Variants in PIK3C2A observed in about 807,000 individuals in gnomAD.
The protein encoded by PIK3C2A is phosphatidylinositol 4-phosphate 3-kinase C2 domain-containing subunit alpha.
PIK3C2A carries 97 observed loss-of-function variants against 204.5 expected under a neutral mutation model. The ratio of observed to expected loss-of-function variants is 0.47; its 90% CI spans 0.40 to 0.56. The LOEUF (loss-of-function observed/expected upper bound fraction) is 0.56. Among genes scored for constraint, PIK3C2A ranks in the 20% least tolerant of loss-of-function variants. The probability of loss-of-function intolerance (pLI) is 0.00; values close to 1 mark genes in which losing one functional copy is unlikely to be tolerated. For synonymous variants in PIK3C2A, 653 were observed against 664.4 expected, an observed-to-expected ratio of 0.98 and a Z score of 0.26; for missense variants, 1,735 against 1,969.2, an observed-to-expected ratio of 0.88 and a Z score of 2.25.
rs1848615049 is a variant in PIK3C2A, at chr11:17,101,287, G to A, written c.3999C>T (p.Leu1333=). ...IRKQTNLFLN[L]LSLMIPSGLP... ...TATAAAGAATAGTTACCAGTGAAAG[G>A]AGGTTAAGAAAAAGGTTTGTCTGCT... is the stretch of plus-strand genomic sequence containing the variant. The change falls in exon 25 of 33, where the codon CTC becomes CTT. Residue 1333 remains leucine (L), a synonymous_variant. Transcript: ENST00000691414. 1 of 1,538,454 alleles carries A rather than the reference G, an allele frequency of 6.5e-7. No homozygotes were observed. The highest frequency in any genetic ancestry group is 8.9e-7 in the Non-Finnish European group (1 of 1,127,080).
intron 30 of PIK3C2A, 56 bp from the exon 31 acceptor site, chr11:17,091,712 A>G (rs1002113120): frequency 1.7e-6 from 2 of 1,190,634 alleles, no homozygotes; most frequent in South Asian, 1.3e-5. Flanking sequence ...TCAAGCTGCA[A>G]TAAAAGGATT....
At chr11:17,100,249 CGGG>C (rs71047528) in intron 25 of PIK3C2A, among the ~76,000 whole-genome samples, 4 of 46,484 alleles carry the variant, frequency 8.6e-5, no homozygotes, top group East Asian at 9.9e-4. Context: ...TTTTTGGGGG[CGGG>C]GGGGGGGGGC....
chr11:17,141,650 C>A (rs1403341150), intron 8 of PIK3C2A, among the ~76,000 whole-genome samples: 1 of 152,200 alleles, frequency 6.6e-6, no homozygotes, highest in African/African-American at 2.4e-5. Context: ...AACTTTTCCA[C>A]TAATGAGCTT....
chr11:17,162,594 CCAA>C (rs1056500414), intron 2 of PIK3C2A, among the ~76,000 whole-genome samples: 3 of 152,128 alleles, frequency 2.0e-5, no homozygotes, highest in Non-Finnish European at 2.9e-5. Flanking sequence ...TCAAGGGTGG[CCAA>C]CTGTTCAAAA....
chr11:17,207,351 A>T (rs551264966), intron 1 of PIK3C2A, among the ~76,000 whole-genome samples: 2 of 152,302 alleles, frequency 1.3e-5, no homozygotes, highest in South Asian at 4.1e-4. Context: ...AAGAAGAAAA[A>T]GTATCCTTGG....
intron 11 of PIK3C2A, 34 bp downstream of exon 11, chr11:17,134,785 G>A (rs1406041325): frequency 3.3e-6 from 5 of 1,504,706 alleles, no homozygotes; most frequent in African/African-American, 2.7e-5. Flanking sequence ...ACAGGTGCAA[G>A]CCACCATGCC....
intron 1 of PIK3C2A, among the ~76,000 whole-genome samples, chr11:17,184,700 CAAGAG>C (rs1851693383): frequency 6.6e-6 from 1 of 151,986 alleles, no homozygotes; most frequent in African/African-American, 2.4e-5. Flanking sequence ...TTTGGGTGGC[CAAGAG>C]GAGAGGATCC....
chr11:17,122,785 A>C lies in PIK3C2A; in HGVS notation c.2428T>G (p.Tyr810Asp). 1 of 1,524,514 alleles carries C rather than the reference A, an allele frequency of 6.6e-7. No individual in the cohort carries two copies. The highest frequency in any genetic ancestry group is 1.4e-5 in the African/African-American group (1 of 72,936). The allele number at this position is 1,524,514 out of a possible 1,614,324, so 94.4% of individuals were successfully genotyped here. A position where few individuals can be genotyped will look rare whatever the true frequency, so the allele number is the denominator to read the frequency against. ...TTTGTATGTGATGAAGTCCAAAGAT[A>C]TAGAAGTTTAGTTCCACATGTTAAA... Reference protein sequence around the residue: ...RFLTCGTKLLYLWTSSHTNSV... With the variant: ...RFLTCGTKLLDLWTSSHTNSV... The change falls in exon 14 of 33, where the codon TAT (tyrosine) becomes GAT (aspartate). Residue 810 changes from tyrosine to aspartate, a missense_variant. Coordinates refer to ENST00000691414, the MANE Select transcript of PIK3C2A (RefSeq NM_002645.4).
intron 24 of PIK3C2A, among the ~76,000 whole-genome samples, chr11:17,101,673 G>C (rs1157630481): frequency 6.7e-6 from 1 of 149,756 alleles, no homozygotes; most frequent in Non-Finnish European, 1.5e-5. Context: ...GCGCGATCTA[G>C]GCTCACTGCA....
In PIK3C2A at chr11:17,094,289, T is replaced by C. The variant is rs747902809; in HGVS notation, c.4423A>G (p.Ile1475Val). The C allele has an allele frequency of 1.2e-6, 2 of 1,610,706 alleles. No homozygotes were observed. Among genetic ancestry groups the C allele is most frequent in the Non-Finnish European group, 8.5e-7 (1 of 1,176,954 alleles). ...EFQELHNKLS[I>V]IFPLWKLPGF... is the part of the protein sequence containing the mutation. ...GGTAACTTCCAAAGTGGAAAAATAA[T>C]ACTGAGCTTATTGTGAAGTTCCTGA... The change falls in exon 28 of 33, where the codon ATT (isoleucine) becomes GTT (valine). Residue 1475 changes from isoleucine (I) to valine (V), a missense_variant. Around this residue, in one of 6 missense-constraint regions of PIK3C2A, gnomAD observed 503 missense variants for 669.0 expected, o/e 0.75. Coordinates refer to ENST00000691414, the MANE Select transcript of PIK3C2A (RefSeq NM_002645.4).
chr11:17,182,591 G>A (rs1343524224), intron 1 of PIK3C2A, among the ~76,000 whole-genome samples: 3 of 147,700 alleles, frequency 2.0e-5, no homozygotes, highest in African/African-American at 5.1e-5. Flanking sequence ...AAAAAAGTTC[G>A]ACTTGGAAAG....
intron 1 of PIK3C2A, among the ~76,000 whole-genome samples, chr11:17,176,869 A>G (rs1277190605): frequency 6.6e-6 from 1 of 152,204 alleles, no homozygotes; most frequent in South Asian, 2.1e-4. Flanking sequence ...AACTGCAGCA[A>G]ATATCTGCAT....
chr11:17,112,598 TC>T lies in PIK3C2A; in HGVS notation c.3389del (p.Gly1130GlufsTer19). 2 of 1,533,076 alleles carry T rather than the reference TC, an allele frequency of 1.3e-6. No homozygotes were observed. The highest frequency in any genetic ancestry group is 1.8e-6 in the Non-Finnish European group (2 of 1,128,348). 95.0% of individuals were successfully genotyped at this position (1,533,076 alleles called of 1,614,324 possible). The stretch of plus-strand genomic sequence containing the variant: ...CCTTAAACATGACATTAATTTCTTC[TC>T]CCATAGGGTCAGCATTCACCATTGT... ...KVTMVNADPMGEEINVMFKVG... is the reference protein window; with the variant it reads ...KVTMVNADPMXEEINVMFKVG... On this transcript the variant is annotated frameshift_variant, in exon 21 of 33. Coordinates refer to ENST00000691414, the MANE Select transcript of PIK3C2A (RefSeq NM_002645.4). LOFTEE classifies it high-confidence loss of function.
chr11:17,138,380 T>A (rs1175673783), intron 8 of PIK3C2A: 1 of 393,028 alleles, frequency 2.5e-6, no homozygotes, highest in African/African-American at 2.0e-5. Context: ...AAAGACTACC[T>A]CTAGCTGCAC....
At chr11:17,103,860 T>C (rs777298205) in intron 23 of PIK3C2A, among the ~76,000 whole-genome samples, 4 of 152,232 alleles carry the variant, frequency 2.6e-5, no homozygotes, top group African/African-American at 9.6e-5. Context: ...GCTTAATGTA[T>C]GCTACTTGGC....
Position 17,145,902 on chromosome 11 carries a change from A to C in PIK3C2A, c.1601T>G (p.Leu534Arg), listed in dbSNP as rs1227612308. The C allele has an allele frequency of 3.7e-6, 6 of 1,613,534 alleles. No homozygotes were observed. The Admixed American group carries it at 1.0e-4, about 27-fold the overall frequency. Residue 534 changes from leucine to arginine, a missense_variant, in exon 7 of 33, where the codon CTG (leucine) becomes CGG (arginine). Physicochemically the swap from Leu to Arg is moderately radical, Grantham distance 102. Around this residue, in one of 6 missense-constraint regions of PIK3C2A, gnomAD observed 106 missense variants for 108.2 expected, o/e 0.98. Transcript: ENST00000691414. ...DETPVDLNKHLYQIEKPCKEA... is the reference protein window; with the variant it reads ...DETPVDLNKHRYQIEKPCKEA... ...TTTGCAAGGTTTTTCTATTTGATACAGGTGTTTGTTTAAATCCACGGGTGT... is the reference window on the plus strand; with the variant it reads ...TTTGCAAGGTTTTTCTATTTGATACCGGTGTTTGTTTAAATCCACGGGTGT...
At chr11:17,131,387 T>C (rs112495970) in intron 12 of PIK3C2A, among the ~76,000 whole-genome samples, 3 of 151,552 alleles carry the variant, frequency 2.0e-5, no homozygotes, top group African/African-American at 7.3e-5. Context: ...GTTTTTGTAA[T>C]TTCATAATAT....
intron 2 of PIK3C2A, among the ~76,000 whole-genome samples, chr11:17,158,610 TATCCTTAAAA>T (rs1158266576): frequency 6.6e-6 from 1 of 152,002 alleles, no homozygotes; most frequent in Non-Finnish European, 1.5e-5. Context: ...CTCAAAAGAA[TATCCTTAAAA>T]ATCCTTAAAA....
At chr11:17,186,094 C>T (rs948970348) in intron 1 of PIK3C2A, among the ~76,000 whole-genome samples, 2 of 152,130 alleles carry the variant, frequency 1.3e-5, no homozygotes, top group African/African-American at 2.4e-5. Context: ...TCCTCAACAC[C>T]TTATGCTCCC....
Sources: allele counts gnomAD v4.1 joint callset (sites outside exome capture counted in the v4.1 genomes callset), GRCh38; gene constraint gnomAD v4.1.1; regional missense constraint gnomAD v4.1.1; transcripts MANE v1.5; gene names NCBI Gene and HGNC (gene_info 2026-07-23, HGNC 2026-07-21).